Variants in FOXP1 observed in about 807,000 individuals in gnomAD.
FOXP1 encodes forkhead box protein P1.
In FOXP1, 15 loss-of-function variants were observed where a neutral mutation model predicts 98.2. That is an observed-to-expected ratio of 0.15 (90% confidence interval 0.10 to 0.24). The LOEUF is 0.24. Ranked by LOEUF, FOXP1 falls within the 10% of genes least tolerant of loss-of-function variation. The pLI, the probability that FOXP1 is intolerant of heterozygous loss-of-function variation, is 1.00. For missense variants in FOXP1, 633 were observed against 848.5 expected (o/e 0.75, Z 3.15); for synonymous variants, 371 against 314.5 (o/e 1.18, Z -1.90).
chr3:71,130,044 A>G (rs929972796), intron 6 of FOXP1, among the ~76,000 whole-genome samples: 1 of 152,244 alleles, frequency 6.6e-6, no homozygotes, highest in Non-Finnish European at 1.5e-5. Context: ...CGATTCACAA[A>G]TGATGACGGT....
At position 71,582,876 on chromosome 3, in the gene FOXP1, G is replaced by C. The variant is rs1470835371; in HGVS notation, c.-447+695C>G. 5.4e-6 allele frequency: 5 copies of C among 926,800 alleles called. No individual in the cohort carries two copies. The East Asian group carries it at 3.5e-4, about 65-fold the overall frequency. 57.4% of individuals were successfully genotyped at this position (926,800 alleles called of 1,614,324 possible). ...CTCGGGGTAACGCGCGCGTGGCAGC[G>C]GGGAAGTTCCCCAGTGCGGGGCCCA... On this transcript the variant is annotated intron_variant, in intron 1 of 20. Coordinates refer to ENST00000649528, the MANE Select transcript of FOXP1 (RefSeq NM_001349338.3).
At chr3:71,195,757 G>A (rs2063263045) in intron 6 of FOXP1, among the ~76,000 whole-genome samples, 1 of 152,182 alleles carries the variant, frequency 6.6e-6, no homozygotes, top group Non-Finnish European at 1.5e-5. Context: ...ATTCAGCATG[G>A]CTATGATTTT....
chr3:71,333,544 C>G (rs1245264049), intron 4 of FOXP1: 2 of 152,232 alleles, frequency 1.3e-5, no homozygotes, highest in East Asian at 3.9e-4. Context: ...TAAATCAAGC[C>G]ACGTACAGTG....
intron 6 of FOXP1, among the ~76,000 whole-genome samples, chr3:71,164,627 T>C (rs1021065614): frequency 1.3e-5 from 2 of 152,240 alleles, no homozygotes; most frequent in African/African-American, 4.8e-5. Flanking sequence ...TACATTTTTA[T>C]AGAAAGTCTA....
intron 3 of FOXP1, among the ~76,000 whole-genome samples, chr3:71,382,040 G>A (rs942127749): frequency 1.3e-5 from 2 of 152,286 alleles, no homozygotes; most frequent in South Asian, 2.1e-4. Flanking sequence ...AGAAGGCCTA[G>A]GCAGGCGAGT....
intron 3 of FOXP1, among the ~76,000 whole-genome samples, chr3:71,364,573 T>C (rs2078788724): frequency 6.6e-6 from 1 of 152,362 alleles, no homozygotes; most frequent in Non-Finnish European, 1.5e-5. Flanking sequence ...AGAAAATACA[T>C]GTTTTATTTA....
intron 3 of FOXP1, among the ~76,000 whole-genome samples, chr3:71,420,603 T>C (rs1297967602): frequency 6.6e-6 from 1 of 152,150 alleles, no homozygotes. Context: ...TATATGTATG[T>C]AAAACAACCA....
intron 6 of FOXP1, among the ~76,000 whole-genome samples, chr3:71,134,025 A>G (rs1313757371): frequency 6.6e-6 from 1 of 152,082 alleles, no homozygotes; most frequent in African/African-American, 2.4e-5. Context: ...TCCTTTGCCT[A>G]TTCTGTCCCC....
rs1008758056 is a variant in FOXP1, at chr3:70,957,945, G to A, written c.*1302C>T. 3 of 243,248 alleles carry A rather than the reference G, an allele frequency of 1.2e-5. No individual in the cohort carries two copies. The highest frequency in any genetic ancestry group is 5.9e-5 in the East Asian group (1 of 16,964). The allele number at this position is 243,248 out of a possible 1,614,324, so 15.1% of individuals were successfully genotyped here. A position where few individuals can be genotyped will look rare whatever the true frequency, so the allele number is the denominator to read the frequency against. On this transcript the variant is annotated 3_prime_UTR_variant, in exon 21 of 21. Coordinates refer to ENST00000649528, the MANE Select transcript of FOXP1 (RefSeq NM_001349338.3). Reference sequence around the variant, plus strand: ...TGAACTAATGTATAAACTCAGCGCCGCCGCCGCCACCCCTACTTTCAGGGC... The same window carrying A: ...TGAACTAATGTATAAACTCAGCGCCACCGCCGCCACCCCTACTTTCAGGGC...
At chr3:71,006,652 G>A (rs1330915121) in intron 12 of FOXP1, among the ~76,000 whole-genome samples, 1 of 152,194 alleles carries the variant, frequency 6.6e-6, no homozygotes, top group South Asian at 2.1e-4. Context: ...TGTCTTTTAA[G>A]TAATGCCTTC....
intron 6 of FOXP1, among the ~76,000 whole-genome samples, chr3:71,168,950 G>C (rs969107168): frequency 1.6e-4 from 24 of 152,186 alleles, no homozygotes; most frequent in African/African-American, 5.8e-4. Context: ...CAGAGAAATA[G>C]AGAAGAGTTT....
At chr3:71,259,737 G>A (rs938498896) in intron 5 of FOXP1, among the ~76,000 whole-genome samples, 1 of 152,220 alleles carries the variant, frequency 6.6e-6, no homozygotes, top group Non-Finnish European at 1.5e-5. Flanking sequence ...TCCATATTAA[G>A]AGGAGGTGCC....
intron 3 of FOXP1, among the ~76,000 whole-genome samples, chr3:71,376,666 G>A (rs989536879): frequency 6.6e-6 from 1 of 152,180 alleles, no homozygotes; most frequent in African/African-American, 2.4e-5. Context: ...AACACCATCA[G>A]CTTCAATTTT....
chr3:71,398,972 A>C (rs1452868233), intron 3 of FOXP1, among the ~76,000 whole-genome samples: 1 of 152,208 alleles, frequency 6.6e-6, no homozygotes, highest in Non-Finnish European at 1.5e-5. Flanking sequence ...CACTTTATGA[A>C]CTATACAGCT....
At chr3:71,085,991 G>C (rs2055054902) in intron 7 of FOXP1, among the ~76,000 whole-genome samples, 2 of 151,974 alleles carry the variant, frequency 1.3e-5, no homozygotes, top group Non-Finnish European at 2.9e-5. Context: ...GCCTCCCAAA[G>C]TGCTAGGATT....
chr3:71,200,083 C>CAAA (rs61281811), intron 5 of FOXP1, among the ~76,000 whole-genome samples: 1,608 of 71,648 alleles, frequency 0.022, 41 homozygotes, highest in Middle Eastern at 0.03. Context: ...CTCCATCTCA[C>CAAA]AAAAAAAAAA....
intron 7 of FOXP1, among the ~76,000 whole-genome samples, chr3:71,055,432 C>A (rs954909358): frequency 2.0e-5 from 3 of 152,062 alleles, no homozygotes; most frequent in Non-Finnish European, 4.4e-5. Flanking sequence ...GATGTAGATA[C>A]ACTGTAATTT....
intron 3 of FOXP1, among the ~76,000 whole-genome samples, chr3:71,451,945 G>A (rs1472191078): frequency 2.0e-5 from 3 of 152,156 alleles, no homozygotes; most frequent in South Asian, 2.1e-4. Context: ...TAATTCTACA[G>A]GTAAAACAAT....
At chr3:71,001,302 A>G (rs1002222655) in intron 12 of FOXP1, among the ~76,000 whole-genome samples, 3 of 152,144 alleles carry the variant, frequency 2.0e-5, no homozygotes, top group African/African-American at 7.2e-5. Flanking sequence ...TCTGGAGATA[A>G]CCATTTACAC....
Sources: allele counts gnomAD v4.1 joint callset (sites outside exome capture counted in the v4.1 genomes callset), GRCh38; gene constraint gnomAD v4.1.1; transcripts MANE v1.5; gene names NCBI Gene and HGNC (gene_info 2026-07-23, HGNC 2026-07-21).